RBM22: variants seen among roughly 807,000 people sequenced by gnomAD.
RBM22 encodes RNA binding motif protein 22.
In RBM22, 1 loss-of-function variant was observed where a neutral mutation model predicts 50.1. That is an observed-to-expected ratio of 0.02 (90% CI 0.01 to 0.09). The LOEUF (loss-of-function observed/expected upper bound fraction) is 0.09, where lower values mean the gene tolerates loss of function less well. Ranked by LOEUF, RBM22 falls within the 10% of genes least tolerant of loss-of-function variation. The probability of loss-of-function intolerance (pLI) is 1.00; values close to 1 mark genes in which losing one functional copy is unlikely to be tolerated. For missense variants in RBM22, 264 were observed against 529.3 expected, an observed-to-expected ratio of 0.50 and a Z score of 4.92; for synonymous variants, 152 against 179.0, an observed-to-expected ratio of 0.85 and a Z score of 1.20.
rs1201412201 is a variant in RBM22 at position 150,696,502 on chromosome 5, A to C, written c.545+31T>G. On this transcript the variant is annotated intron_variant, in intron 6 of 10. Coordinates refer to ENST00000199814, the MANE Select transcript of RBM22 (RefSeq NM_018047.3). The surrounding 1 kb of genome is among the most constrained non-coding windows in gnomAD (Gnocchi z 4.3). ...CTTCTTAGATGAGAAATCATCTGAA[A>C]GCAAATACTGAAAATGAGGCTCGCT... 8.2e-6 allele frequency: 13 copies of C among 1,586,286 alleles called. No individual in the cohort carries two copies. Among genetic ancestry groups the C allele is most frequent in the Middle Eastern group, 2.2e-4 (1 of 4,486 alleles).
intron 8 of RBM22, 56 bp from the exon 9 acceptor site, chr5:150,693,363 T>G: frequency 1.5e-6 from 2 of 1,362,648 alleles, no homozygotes; most frequent in South Asian, 1.2e-5. Flanking sequence ...CTCACACCTC[T>G]GCTTCTTACA....
At chr5:150,698,893 A>T (rs1759309356) in intron 3 of RBM22, among the ~76,000 whole-genome samples, 1 of 152,160 alleles carries the variant, frequency 6.6e-6, no homozygotes, top group Non-Finnish European at 1.5e-5. Context: ...TCTGAACCTT[A>T]ATCTTTTTTA....
In RBM22 at chr5:150,698,388, T is replaced by A. The variant is rs1353808677; in HGVS notation, c.271+111A>T. On this transcript the variant is annotated intron_variant, in intron 4 of 10. Coordinates refer to ENST00000199814, the MANE Select transcript of RBM22 (RefSeq NM_018047.3). The stretch of plus-strand genomic sequence containing the variant: ...TGGGAAAAGCAGACCACGGCAGACA[T>A]TCCAAAGTGAAATCAGAACCAGAGC... The A allele has an allele frequency of 1.2e-5, 16 of 1,377,840 alleles. No individual in the cohort carries two copies. In the East Asian group the frequency reaches 3.7e-4, roughly 32 times the overall value. 85.4% of individuals were successfully genotyped at this position (1,377,840 alleles called of 1,614,324 possible).
intron 1 of RBM22, 101 bp downstream of exon 1, chr5:150,700,831 C>G: frequency 6.2e-7 from 1 of 1,609,956 alleles, no homozygotes; most frequent in African/African-American, 1.3e-5. Flanking sequence ...GCTGGCTCCT[C>G]CCCGGTATTC....
Position 150,691,703 on chromosome 5 carries a change from G to A in RBM22, c.*48C>T, listed in dbSNP as rs748588315. On this transcript the variant is annotated 3_prime_UTR_variant, in exon 11 of 11. Transcript: ENST00000199814. ...ATATTTATTCCAAGATTTACTGGGA[G>A]TTTTAAGTGCCCTTTCTTCCACAGA... The A allele has an allele frequency of 4.2e-6, 6 of 1,445,172 alleles. No homozygotes were observed. Among genetic ancestry groups the A allele is most frequent in the Non-Finnish European group, 3.7e-6 (4 of 1,090,686 alleles). 89.5% of individuals were successfully genotyped at this position (1,445,172 alleles called of 1,614,324 possible).
At chr5:150,694,915 C>A (rs1759255109) in intron 7 of RBM22, 1 of 152,798 alleles carries the variant, frequency 6.5e-6, no homozygotes, top group South Asian at 2.1e-4. Context: ...GCAAAGCTCT[C>A]CCTCCTCTAC....
chr5:150,699,323 C>G, intron 2 of RBM22, 52 bp from the exon 3 acceptor site: 1 of 1,524,476 alleles, frequency 6.6e-7, no homozygotes, highest in South Asian at 1.3e-5. Flanking sequence ...AGAAAAAAGC[C>G]AGATGTCTAC....
At chr5:150,692,831 T>G in intron 10 of RBM22, 64 bp downstream of exon 10, 37 of 1,457,388 alleles carry the variant, frequency 2.5e-5, no homozygotes, top group African/African-American at 2.9e-5. Flanking sequence ...AACATGATGG[T>G]GAGGTTTATG....
chr5:150,700,832 C>T, intron 1 of RBM22, 100 bp downstream of exon 1: 2 of 1,610,340 alleles, frequency 1.2e-6, no homozygotes, highest in Non-Finnish European at 1.7e-6. Flanking sequence ...CTGGCTCCTC[C>T]CCGGTATTCC....
chr5:150,693,244 T>C lies in RBM22; in HGVS notation c.975A>G (p.Leu325=), dbSNP rs2151455894. Residue 325 remains leucine (L), a synonymous_variant, in exon 9 of 11, where the codon CTA becomes CTG. Transcript: ENST00000199814. ...KDGTTDSGIK[L]EPVPGLPGAL... ...CTCCTGGCAATCCTGGAACAGGTTC[T>C]AGTTTGATCCCAGAGTCTGTAGTTC... 1 of 1,614,060 alleles carries C rather than the reference T, an allele frequency of 6.2e-7. No homozygotes were observed.
rs1405281826 is a variant in RBM22, at chr5:150,693,314, AAC to A, written c.912-9_912-8del. ...TCCTCTGGCTGCCTGGGATCTGGGA[AAC>A]ACACATGCATACAGTCGGCACTCTG... On this transcript the variant is annotated splice_region_variant and splice_polypyrimidine_tract_variant and intron_variant, in intron 8 of 10. Coordinates refer to ENST00000199814, the MANE Select transcript of RBM22 (RefSeq NM_018047.3). The A allele has an allele frequency of 1.2e-6, 2 of 1,608,994 alleles. No homozygotes were observed. Among genetic ancestry groups the A allele is most frequent in the Non-Finnish European group, 1.7e-6 (2 of 1,176,618 alleles).
At chr5:150,692,790 C>A in intron 10 of RBM22, 105 bp downstream of exon 10, 1 of 1,288,014 alleles carries the variant, frequency 7.8e-7, no homozygotes, top group East Asian at 2.4e-5. Flanking sequence ...TAGACTTCTA[C>A]AGAGCAAACT....
At chr5:150,693,713 CCT>C (rs1481505212) in intron 8 of RBM22, among the ~76,000 whole-genome samples, 2 of 152,192 alleles carry the variant, frequency 1.3e-5, no homozygotes, top group Non-Finnish European at 2.9e-5. Context: ...GCGATTCTTC[CCT>C]GTTTTATCTT....
chr5:150,692,067 C>A (rs1561677378), intron 10 of RBM22, among the ~76,000 whole-genome samples, 186 bp from the exon 11 acceptor site: 1 of 152,200 alleles, frequency 6.6e-6, no homozygotes, highest in Non-Finnish European at 1.5e-5. Context: ...CTTTCCCCCA[C>A]AGTCCAAAAA....
intron 2 of RBM22, among the ~76,000 whole-genome samples, chr5:150,699,497 A>G (rs1759317623): frequency 6.6e-6 from 1 of 152,238 alleles, no homozygotes; most frequent in South Asian, 2.1e-4. Context: ...GAGTATATGG[A>G]TCTGGGCTGG....
At chr5:150,694,374 A>G (rs1759247161) in intron 7 of RBM22, 134 bp from the exon 8 acceptor site, 1 of 1,374,364 alleles carries the variant, frequency 7.3e-7, no homozygotes, top group South Asian at 1.6e-5. Flanking sequence ...AACTACCCGC[A>G]GGTCTCCACC....
Position 150,699,223 on chromosome 5 carries a change from CTT to C in RBM22, c.138+17_138+18del. ...GAAAAATGAAACAGAAATCATTACT[CTT>C]TAACAGACATACTTACTTTGCATTC... is the stretch of plus-strand genomic sequence containing the variant. On this transcript the variant is annotated intron_variant, in intron 3 of 10. Transcript: ENST00000199814. The C allele has an allele frequency of 6.3e-7, 1 of 1,584,678 alleles. No homozygotes were observed. The highest frequency in any genetic ancestry group is 8.6e-7 in the Non-Finnish European group (1 of 1,167,752).
intron 7 of RBM22, chr5:150,695,242 TG>T (rs1759260510): frequency 2.3e-6 from 1 of 427,532 alleles, no homozygotes; most frequent in Non-Finnish European, 4.2e-6. Flanking sequence ...TTGCTCAGGC[TG>T]GTCTCAAACT....
Position 150,691,510 on chromosome 5 carries a change from C to A in RBM22, c.*241G>T, listed in dbSNP as rs188314076. The A allele has an allele frequency of 3.0e-4, 100 of 334,226 alleles. 1 individual carries two copies. The highest frequency in any genetic ancestry group is 9.4e-4 in the Admixed American group (19 of 20,304). The allele number at this position is 334,226 out of a possible 1,614,324, so 20.7% of individuals were successfully genotyped here. On this transcript the variant is annotated 3_prime_UTR_variant, in exon 11 of 11. Transcript: ENST00000199814. ...CCCCCACACGGGTAAGGGGAACAGG[C>A]GTTCGGTTTTATTAGTCATGTTACA...
Sources: gnomAD v4.1 joint callset for allele counts (sites outside exome capture counted in the v4.1 genomes callset) on GRCh38, gnomAD v4.1.1 for gene constraint, Gnocchi (gnomAD v3.1) non-coding constraint, MANE v1.5 for transcripts, NCBI Gene and HGNC (gene_info 2026-07-23, HGNC 2026-07-21) for gene names.